THSD7B: variants seen among roughly 807,000 people sequenced by gnomAD.
THSD7B encodes thrombospondin type-1 domain-containing protein 7B.
Under a neutral mutation model 213.6 loss-of-function variants are expected in THSD7B, and 138 were observed. That is an observed-to-expected ratio of 0.65 (90% CI 0.56 to 0.74). THSD7B has a LOEUF of 0.74. Among genes scored for constraint, THSD7B ranks in the 30% least tolerant of loss-of-function variants. The pLI is 0.00. For synonymous variants in THSD7B, 742 were observed against 687.0 expected (o/e 1.08, Z -1.25); for missense variants, 1,931 against 1,991.5 (o/e 0.97, Z 0.58).
intron 2 of THSD7B, among the ~76,000 whole-genome samples, chr2:136,885,607 G>A (rs1337535351): frequency 6.6e-6 from 1 of 152,168 alleles, no homozygotes; most frequent in African/African-American, 2.4e-5. Flanking sequence ...ATGCCTGCCT[G>A]CTTTGTGGAG....
At chr2:137,350,768 G>C (rs942607995) in intron 12 of THSD7B, among the ~76,000 whole-genome samples, 1 of 151,708 alleles carries the variant, frequency 6.6e-6, no homozygotes, top group Non-Finnish European at 1.5e-5. Flanking sequence ...AGTGGAGATG[G>C]GAAGAAGAGG....
At chr2:137,638,366 A>C (rs532431421) in intron 20 of THSD7B, among the ~76,000 whole-genome samples, 78 of 152,208 alleles carry the variant, frequency 5.1e-4, no homozygotes, top group South Asian at 1.7e-3. Flanking sequence ...GCTTTTGCTT[A>C]TTCCTCATTT....
chr2:137,497,985 C>T (rs999591081), intron 15 of THSD7B, among the ~76,000 whole-genome samples: 5 of 152,164 alleles, frequency 3.3e-5, no homozygotes, highest in African/African-American at 1.2e-4. Flanking sequence ...TTACTTTCCT[C>T]ACAATGCTGG....
chr2:137,523,945 G>A (rs1680232464), intron 15 of THSD7B, among the ~76,000 whole-genome samples: 1 of 152,166 alleles, frequency 6.6e-6, no homozygotes, highest in Non-Finnish European at 1.5e-5. Context: ...TAAAAATACA[G>A]TGAGGGGATT....
At chr2:137,019,875 TATTTA>T (rs1686411105) in intron 2 of THSD7B, among the ~76,000 whole-genome samples, 1 of 152,196 alleles carries the variant, frequency 6.6e-6, no homozygotes, top group African/African-American at 2.4e-5. Flanking sequence ...TAGAAATAAA[TATTTA>T]ATTTGACTAC....
intron 15 of THSD7B, among the ~76,000 whole-genome samples, chr2:137,466,085 G>A (rs977414746): frequency 2.0e-5 from 3 of 152,110 alleles, no homozygotes; most frequent in African/African-American, 7.2e-5. Context: ...CAAGTATTAT[G>A]CAGGTGGGTA....
intron 15 of THSD7B, among the ~76,000 whole-genome samples, chr2:137,491,332 G>A (rs1215838096): frequency 6.6e-6 from 1 of 152,156 alleles, no homozygotes; most frequent in East Asian, 1.9e-4. Context: ...AATTGATCAT[G>A]GAAAAGACTA....
chr2:137,296,921 C>A (rs904143663), intron 12 of THSD7B, among the ~76,000 whole-genome samples: 1 of 151,968 alleles, frequency 6.6e-6, no homozygotes, highest in Non-Finnish European at 1.5e-5. Flanking sequence ...GAAAAGACAT[C>A]TTCAAACTGG....
intron 2 of THSD7B, among the ~76,000 whole-genome samples, chr2:136,957,296 C>A (rs1422570231): frequency 6.6e-6 from 1 of 152,116 alleles, no homozygotes; most frequent in African/African-American, 2.4e-5. Context: ...ATCTTGCTAC[C>A]ATGTGCATGC....
intron 2 of THSD7B, 97 bp from the exon 3 acceptor site, chr2:137,056,323 T>C: frequency 7.9e-7 from 1 of 1,268,408 alleles, no homozygotes; most frequent in East Asian, 2.4e-5. Context: ...AATTTCATAC[T>C]GCTTGTGTTG....
At chr2:137,470,493 A>G (rs1160943243) in intron 15 of THSD7B, among the ~76,000 whole-genome samples, 1 of 152,234 alleles carries the variant, frequency 6.6e-6, no homozygotes, top group Non-Finnish European at 1.5e-5. Flanking sequence ...TAGCATGTTC[A>G]AAAATCTTAA....
intron 7 of THSD7B, among the ~76,000 whole-genome samples, chr2:137,174,945 C>T (rs533239079): frequency 2.0e-5 from 3 of 152,290 alleles, no homozygotes; most frequent in African/African-American, 7.2e-5. Context: ...CTTAGAATAT[C>T]AAATTTACTC....
rs3811524 is a variant in THSD7B, at chr2:137,242,595, G to T, written c.2266+23G>T. The T allele has an allele frequency of 3.3e-3, 5,115 of 1,564,266 alleles. 88 individuals carry two copies. The East Asian group carries it at 0.039, about 12-fold the overall frequency. ...CAGGTAGGTGGATGCTGCGTTCTTA[G>T]TTCTTTCTTCCCTAACCTGATTGTT... On this transcript the variant is annotated intron_variant, in intron 10 of 27. Transcript: ENST00000409968.
intron 21 of THSD7B, among the ~76,000 whole-genome samples, 174 bp downstream of exon 21, chr2:137,642,807 G>C (rs958731297): frequency 2.0e-5 from 3 of 152,214 alleles, no homozygotes; most frequent in African/African-American, 7.2e-5. Flanking sequence ...ACCTCATGCA[G>C]AGTGATATTG....
chr2:136,838,899 G>A (rs1368040896), intron 1 of THSD7B, among the ~76,000 whole-genome samples: 4 of 152,164 alleles, frequency 2.6e-5, no homozygotes, highest in African/African-American at 9.7e-5. Context: ...TGCTCTGTGA[G>A]CATGGGTTTC....
At chr2:137,433,030 C>A (rs550400000) in intron 14 of THSD7B, among the ~76,000 whole-genome samples, 2 of 152,244 alleles carry the variant, frequency 1.3e-5, no homozygotes, top group African/African-American at 2.4e-5. Flanking sequence ...CTCTGCTATA[C>A]CTTGGCTATA....
intron 15 of THSD7B, among the ~76,000 whole-genome samples, chr2:137,486,859 A>G (rs1573655028): frequency 6.6e-6 from 1 of 152,172 alleles, no homozygotes; most frequent in East Asian, 1.9e-4. Context: ...CCGCTCAACT[A>G]CATGGAAACT....
intron 2 of THSD7B, among the ~76,000 whole-genome samples, chr2:136,937,979 C>T (rs531356175): frequency 6.6e-6 from 1 of 152,240 alleles, no homozygotes; most frequent in African/African-American, 2.4e-5. Flanking sequence ...TGATTCAATC[C>T]TATTTTTGTA....
intron 2 of THSD7B, among the ~76,000 whole-genome samples, chr2:136,907,328 G>T (rs956351480): frequency 6.6e-6 from 1 of 152,070 alleles, no homozygotes; most frequent in South Asian, 2.1e-4. Context: ...TGGGCAGAAA[G>T]AGAAATATAA....
Sources: gnomAD v4.1 joint callset for allele counts (sites outside exome capture counted in the v4.1 genomes callset) on GRCh38, gnomAD v4.1.1 for gene constraint, MANE v1.5 for transcripts, NCBI Gene and HGNC (gene_info 2026-07-23, HGNC 2026-07-21) for gene names.